ZNF622: variants seen among roughly 807,000 people sequenced by gnomAD.
ZNF622 encodes cytoplasmic 60S subunit biogenesis factor ZNF622.
ZNF622 carries 34 observed loss-of-function variants against 49.7 expected under a neutral mutation model. The ratio of observed to expected loss-of-function variants is 0.68; its 90% CI spans 0.52 to 0.91. The LOEUF is 0.91. Among genes scored for constraint, ZNF622 ranks in the 40% least tolerant of loss-of-function variants. The probability of loss-of-function intolerance (pLI) is 0.00; values close to 1 mark genes in which losing one functional copy is unlikely to be tolerated. For missense variants in ZNF622, 569 were observed against 616.4 expected (o/e 0.92, Z 0.81); for synonymous variants, 209 against 228.7 (o/e 0.91, Z 0.78).
intron 3 of ZNF622, among the ~76,000 whole-genome samples, chr5:16,462,803 C>T (rs1314398150): frequency 1.3e-5 from 2 of 152,136 alleles, no homozygotes; most frequent in African/African-American, 4.8e-5. Flanking sequence ...ATATGTGAAA[C>T]CTAATTTCTG....
At position 16,461,993 on chromosome 5, in the gene ZNF622, C is replaced by T. The variant is rs575108240; in HGVS notation, c.1049+1115G>A. On this transcript the variant is annotated intron_variant, in intron 3 of 5. Transcript: ENST00000308683. ...TGACCACTCTGATTACAACATCAGT[C>T]AAAAGGTCATAAACACTGCTGTCTA... Among the ~76,000 whole-genome samples the T allele has an allele frequency of 7.9e-5, 12 of 152,274 alleles. No homozygotes were observed. In the South Asian group the frequency reaches 1.9e-3, roughly 24 times the overall value.
intron 1 of ZNF622, among the ~76,000 whole-genome samples, 189 bp downstream of exon 1, chr5:16,464,852 T>C (rs901821154): frequency 2.0e-5 from 3 of 152,200 alleles, no homozygotes; most frequent in African/African-American, 4.8e-5. Flanking sequence ...GGAGAATGAA[T>C]TGAGTGAACT....
At chr5:16,456,895 A>G (rs1738035305) in intron 4 of ZNF622, among the ~76,000 whole-genome samples, 3 of 152,152 alleles carry the variant, frequency 2.0e-5, no homozygotes, top group Non-Finnish European at 4.4e-5. Context: ...AATACTCAAA[A>G]ATACTCAAAA....
chr5:16,458,508 T>C lies in ZNF622; in HGVS notation c.1162+9A>G, dbSNP rs765373829. On this transcript the variant is annotated intron_variant, in intron 4 of 5. Coordinates refer to ENST00000308683, the MANE Select transcript of ZNF622 (RefSeq NM_033414.3). ...CATTAAGCTATTTATTTTTGACAAA[T>C]GCACTTACCAGAAGGCAGAATCAAT... 4 of 1,596,024 alleles carry C rather than the reference T, an allele frequency of 2.5e-6. No individual in the cohort carries two copies. The highest frequency in any genetic ancestry group is 4.5e-5 in the East Asian group (2 of 44,784).
intron 3 of ZNF622, among the ~76,000 whole-genome samples, chr5:16,459,304 C>A (rs1315215704): frequency 1.3e-5 from 2 of 152,068 alleles, no homozygotes; most frequent in Non-Finnish European, 2.9e-5. Flanking sequence ...AGACAAAATG[C>A]TTGATCAGAT....
Position 16,465,583 on chromosome 5 carries a change from T to A in ZNF622, c.83A>T (p.His28Leu). The A allele has an allele frequency of 6.2e-7, 1 of 1,613,278 alleles. No homozygotes were observed. Among genetic ancestry groups the A allele is most frequent in the Admixed American group, 1.7e-5 (1 of 59,960 alleles). ...MQRAHYKTDW[H>L]RYNLRRKVAS... Reference sequence around the variant, plus strand: ...CACCTTCCGCCGCAGGTTGTAGCGGTGCCAGTCCGTCTTATAGTGGGCCCG... The same window carrying A: ...CACCTTCCGCCGCAGGTTGTAGCGGAGCCAGTCCGTCTTATAGTGGGCCCG... The change falls in exon 1 of 6, where the codon CAC (histidine) becomes CTC (leucine). Residue 28 changes from histidine (H) to leucine (L), a missense_variant. Coordinates refer to ENST00000308683, the MANE Select transcript of ZNF622 (RefSeq NM_033414.3). The surrounding 1 kb of genome is among the most constrained non-coding windows in gnomAD (Gnocchi z 6.2).
chr5:16,458,876 C>T (rs1738078340), intron 3 of ZNF622, among the ~76,000 whole-genome samples: 1 of 152,178 alleles, frequency 6.6e-6, no homozygotes, highest in Admixed American at 6.5e-5. Context: ...GGCTGTCTAA[C>T]AGAGAAGAAG....
At chr5:16,453,561 A>ATATATATATAAAAATAAAAAT (rs1737969788) in intron 4 of ZNF622, among the ~76,000 whole-genome samples, 3 of 33,118 alleles carry the variant, frequency 9.1e-5, no homozygotes, top group African/African-American at 5.9e-4. Context: ...AATAAAAATT[A>ATATATATATAAAAATAAAAAT]TATATATATA....
Position 16,465,028 on chromosome 5 carries a change from A to G in ZNF622, c.625+13T>C, listed in dbSNP as rs1360874767. 1 of 1,555,296 alleles carries G rather than the reference A, an allele frequency of 6.4e-7. No individual in the cohort carries two copies. Among genetic ancestry groups the G allele is most frequent in the Non-Finnish European group, 8.7e-7 (1 of 1,152,018 alleles). Reference sequence around the variant, plus strand: ...GTTCCTCTTTACCCTCCCCGCCCAGACAGGGCCATCACCGTCTCCATCCAG... The same window carrying G: ...GTTCCTCTTTACCCTCCCCGCCCAGGCAGGGCCATCACCGTCTCCATCCAG... On this transcript the variant is annotated intron_variant, in intron 1 of 5. Coordinates refer to ENST00000308683, the MANE Select transcript of ZNF622 (RefSeq NM_033414.3). This position sits in a 1 kb window ranked among gnomAD's most constrained non-coding sequence, Gnocchi z 6.2.
rs373306217 is a variant in ZNF622 at position 16,463,613 on chromosome 5, G to A, written c.755C>T (p.Thr252Met). 135 of 1,614,096 alleles carry A rather than the reference G, an allele frequency of 8.4e-5. No individual in the cohort carries two copies. The highest frequency in any genetic ancestry group is 1.1e-4 in the Non-Finnish European group (125 of 1,180,044). Residue 252 changes from threonine to methionine, a missense_variant, in exon 2 of 6, where the codon ACG (threonine) becomes ATG (methionine). Transcript: ENST00000308683. This position sits in a 1 kb window ranked among gnomAD's most constrained non-coding sequence, Gnocchi z 4.2. ...ATGATGGGAACAAAATAAGCAGTCC[G>A]TGATAGGGATGGCACCAAGGGGTGG... is the stretch of plus-strand genomic sequence containing the variant. ...EGPPLGAIPI[T>M]DCLFCSHHSS...
intron 4 of ZNF622, among the ~76,000 whole-genome samples, chr5:16,457,775 T>C (rs1273803715): frequency 6.6e-6 from 1 of 152,222 alleles, no homozygotes; most frequent in Non-Finnish European, 1.5e-5. Context: ...AGGCATGTGA[T>C]CCTGGTAAGT....
At chr5:16,452,455 T>TA (rs1171439096) in intron 5 of ZNF622, among the ~76,000 whole-genome samples, 1 of 151,996 alleles carries the variant, frequency 6.6e-6, no homozygotes, top group Non-Finnish European at 1.5e-5. Flanking sequence ...ATGGGAAAAT[T>TA]ACAAAAAAGG....
chr5:16,465,515 C>A lies in ZNF622; in HGVS notation c.151G>T (p.Val51Leu). 2 of 1,614,184 alleles carry A rather than the reference C, an allele frequency of 1.2e-6. No individual in the cohort carries two copies. Among genetic ancestry groups the A allele is most frequent in the South Asian group, 1.1e-5 (1 of 91,082 alleles). The change falls in exon 1 of 6, where the codon GTG (valine) becomes TTG (leucine). Residue 51 changes from valine to leucine, a missense_variant. By Grantham distance (32) the Val-to-Leu change is conservative. Transcript: ENST00000308683. The surrounding 1 kb of genome is among the most constrained non-coding windows in gnomAD (Gnocchi z 6.2). Reference protein sequence around the residue: ...PVTAEGFQERVRAQRAVAEEE... With the variant: ...PVTAEGFQERLRAQRAVAEEE... ...TCCGCGACGGCCCGCTGCGCCCGCA[C>A]TCGCTCCTGGAAGCCCTCGGCGGTC...
chr5:16,453,748 A>T (rs1387538642), intron 4 of ZNF622, among the ~76,000 whole-genome samples: 6 of 152,042 alleles, frequency 3.9e-5, no homozygotes, highest in African/African-American at 1.4e-4. Context: ...AGCAAGGGAC[A>T]TTGGGCACTG....
intron 4 of ZNF622, among the ~76,000 whole-genome samples, chr5:16,457,833 T>G (rs1738055142): frequency 6.6e-6 from 1 of 152,226 alleles, no homozygotes; most frequent in African/African-American, 2.4e-5. Context: ...TGCTGGAATC[T>G]AACTCACGTT....
chr5:16,462,147 G>C (rs144913805), intron 3 of ZNF622, among the ~76,000 whole-genome samples: 159 of 152,258 alleles, frequency 1.0e-3, no homozygotes, highest in Middle Eastern at 6.8e-3. Flanking sequence ...TCCACCAACT[G>C]CAAGTCTCCA....
chr5:16,455,625 A>C (rs1037730888), intron 4 of ZNF622, among the ~76,000 whole-genome samples: 37 of 152,234 alleles, frequency 2.4e-4, no homozygotes, highest in African/African-American at 8.9e-4. Flanking sequence ...GGTCTACAGG[A>C]AATTCCAGCA....
In ZNF622 at chr5:16,465,296, C is replaced by T; in HGVS notation, c.370G>A (p.Asp124Asn). The T allele has an allele frequency of 6.2e-7, 1 of 1,614,270 alleles. No homozygotes were observed. The highest frequency in any genetic ancestry group is 1.7e-5 in the Admixed American group (1 of 60,036). The part of the protein sequence containing the change: ...LEKGLGVDSV[D>N]KDAMNAAIQQ... ...ATGGCCGCGTTCATGGCATCCTTGT[C>T]CACACTGTCCACGCCCAGTCCTTTC... The change falls in exon 1 of 6, where the codon GAC (aspartate) becomes AAC (asparagine). Residue 124 changes from aspartate to asparagine, a missense_variant. Asp to Asn is a conservative substitution (Grantham distance 23). Coordinates refer to ENST00000308683, the MANE Select transcript of ZNF622 (RefSeq NM_033414.3). This position sits in a 1 kb window ranked among gnomAD's most constrained non-coding sequence, Gnocchi z 6.2.
At chr5:16,452,333 T>G (rs1218985074) in intron 5 of ZNF622, among the ~76,000 whole-genome samples, 1 of 152,200 alleles carries the variant, frequency 6.6e-6, no homozygotes, top group Non-Finnish European at 1.5e-5. Context: ...TATAACCAGC[T>G]TCATCCAGCA....
Sources: allele counts gnomAD v4.1 joint callset (sites outside exome capture counted in the v4.1 genomes callset), GRCh38; gene constraint gnomAD v4.1.1; non-coding constraint Gnocchi (gnomAD v3.1); transcripts MANE v1.5; gene names NCBI Gene and HGNC (gene_info 2026-07-23, HGNC 2026-07-21).